Variants in PCDHGB4 observed in about 807,000 individuals in gnomAD.
PCDHGB4 encodes the protein protocadherin gamma-B4.
Under a neutral mutation model 60.5 loss-of-function variants are expected in PCDHGB4, and 38 were observed. The observed-to-expected ratio is 0.63, with a 90% confidence interval of 0.48 to 0.82. The LOEUF (loss-of-function observed/expected upper bound fraction) is 0.82. PCDHGB4 is among the 40% of genes least tolerant of loss of function. The probability of loss-of-function intolerance (pLI) is 0.00; values close to 1 mark genes in which losing one functional copy is unlikely to be tolerated. For synonymous variants in PCDHGB4, 456 were observed against 509.7 expected (o/e 0.89, Z 1.42); for missense variants, 1,109 against 1,209.6 (o/e 0.92, Z 1.23).
intron 1 of PCDHGB4, chr5:141,395,843 A>T (rs570175269): frequency 2.0e-5 from 3 of 152,044 alleles, no homozygotes; most frequent in Non-Finnish European, 4.4e-5. Flanking sequence ...TTGGTGGGAG[A>T]TGAGACTGGT....
At chr5:141,409,632 C>G (rs1279542488) in intron 1 of PCDHGB4, 1 of 1,613,848 alleles carries the variant, frequency 6.2e-7, no homozygotes, top group East Asian at 2.2e-5. Context: ...GTGAGCGCCT[C>G]TGACCCGGAT....
chr5:141,461,213 T>C (rs1457474925), intron 1 of PCDHGB4, among the ~76,000 whole-genome samples: 1 of 152,168 alleles, frequency 6.6e-6, no homozygotes, highest in African/African-American at 2.4e-5. Flanking sequence ...AGAATCTCCA[T>C]ACTGTTTTCC....
intron 1 of PCDHGB4, chr5:141,409,496 C>CT (rs1276498782): frequency 6.2e-7 from 1 of 1,614,044 alleles, no homozygotes; most frequent in South Asian, 1.1e-5. Context: ...CAAGCCGCCT[C>CT]TTTCTTCCAG....
rs2094308599 is a variant in PCDHGB4 at position 141,402,798 on chromosome 5, C to T, written c.2397+12517C>T. ...TTTCCAGTTCTGCGGCTACACAAAA[C>T]CCGGCAGATACCACAAACCTGCTCC... On this transcript the variant is annotated intron_variant, in intron 1 of 3. Transcript: ENST00000519479. 7.6e-6 allele frequency: 8 copies of T among 1,054,376 alleles called. No individual in the cohort carries two copies. The South Asian group carries it at 1.6e-4, about 20-fold the overall frequency. The allele number at this position is 1,054,376 out of a possible 1,614,324, so 65.3% of individuals were successfully genotyped here. A position where few individuals can be genotyped will look rare whatever the true frequency, so the allele number is the denominator to read the frequency against.
Position 141,389,367 on chromosome 5 carries a change from G to A in PCDHGB4, c.1483G>A (p.Glu495Lys), listed in dbSNP as rs1402654392. 4 of 1,613,806 alleles carry A rather than the reference G, an allele frequency of 2.5e-6. No homozygotes were observed. The highest frequency in any genetic ancestry group is 1.1e-5 in the South Asian group (1 of 91,086). Residue 495 changes from glutamate to lysine, a missense_variant, in exon 1 of 4, where the codon GAG (glutamate) becomes AAG (lysine). Glu to Lys is a moderately conservative substitution (Grantham distance 56). Around this residue, in one of 2 missense-constraint regions of PCDHGB4, gnomAD observed 1,068 missense variants for 1,089.9 expected, o/e 0.98. Transcript: ENST00000519479. The stretch of plus-strand genomic sequence containing the variant: ...TTACTGCATCATGGCCAGTGACCTG[G>A]AGCAGCGGGAGCTGTCATCCTACGT... ...VSYCIMASDL[E>K]QRELSSYVSI...
intron 1 of PCDHGB4, chr5:141,427,525 CG>C (rs996050026): frequency 4.9e-6 from 3 of 612,098 alleles, no homozygotes; most frequent in Non-Finnish European, 9.2e-6. Flanking sequence ...GAGCGGATCC[CG>C]GAGTACAACG....
chr5:141,478,657 G>A, intron 1 of PCDHGB4: 2 of 1,551,912 alleles, frequency 1.3e-6, no homozygotes, highest in Non-Finnish European at 1.7e-6. Flanking sequence ...TCCTGGTGAT[G>A]CATTCACACT....
At chr5:141,424,068 G>T in intron 1 of PCDHGB4, 1 of 993,858 alleles carries the variant, frequency 1.0e-6, no homozygotes. Flanking sequence ...TCACTGATTT[G>T]TAGTTATATT....
At chr5:141,445,294 T>G (rs1012635904) in intron 1 of PCDHGB4, among the ~76,000 whole-genome samples, 2 of 152,238 alleles carry the variant, frequency 1.3e-5, no homozygotes. Flanking sequence ...CAGGCTTCCA[T>G]TCTCTTCAGT....
intron 1 of PCDHGB4, chr5:141,410,760 A>G: frequency 8.5e-7 from 1 of 1,177,482 alleles, no homozygotes; most frequent in Non-Finnish European, 1.2e-6. Flanking sequence ...ATGTTTTTTC[A>G]ATTATAGTTT....
rs1456184444 is a variant in PCDHGB4, at chr5:141,512,578, C to T, written c.*1405C>T. On this transcript the variant is annotated 3_prime_UTR_variant, in exon 4 of 4. Coordinates refer to ENST00000519479, the MANE Select transcript of PCDHGB4 (RefSeq NM_003736.4). ...ATAGACCTTCTTCTCCCACCCCCTT[C>T]TGCCCCTGGGTCCCCGGCCATCCAG... is the stretch of plus-strand genomic sequence containing the variant. 1 of 152,944 alleles carries T rather than the reference C, an allele frequency of 6.5e-6. No homozygotes were observed. The highest frequency in any genetic ancestry group is 1.5e-5 in the Non-Finnish European group (1 of 68,542). 9.5% of individuals were successfully genotyped at this position (152,944 alleles called of 1,614,324 possible). A position where few individuals can be genotyped will look rare whatever the true frequency, so the allele number is the denominator to read the frequency against.
At position 141,477,197 on chromosome 5, in the gene PCDHGB4, G is replaced by A. The variant is rs781504885; in HGVS notation, c.2398-17610G>A. ...CACAGTCACCTCCGTGTACAGCCCA[G>A]TACCCGAGGATGCCCCTCTGGGGAC... On this transcript the variant is annotated intron_variant, in intron 1 of 3. Coordinates refer to ENST00000519479, the MANE Select transcript of PCDHGB4 (RefSeq NM_003736.4). The surrounding 1 kb of genome is among the most constrained non-coding windows in gnomAD (Gnocchi z 4.9). 1 of 1,614,210 alleles carries A rather than the reference G, an allele frequency of 6.2e-7. No homozygotes were observed. Among genetic ancestry groups the A allele is most frequent in the East Asian group, 2.2e-5 (1 of 44,874 alleles).
In PCDHGB4 at chr5:141,477,053, G is replaced by A; in HGVS notation, c.2398-17754G>A. On this transcript the variant is annotated intron_variant, in intron 1 of 3. Transcript: ENST00000519479. This position sits in a 1 kb window ranked among gnomAD's most constrained non-coding sequence, Gnocchi z 4.9. ...GACAATCAAGGGTCGGCTGGACTTC[G>A]AGGACACCAAACTCCATGAGATTTA... The A allele has an allele frequency of 1.9e-6, 3 of 1,614,230 alleles. No homozygotes were observed. The highest frequency in any genetic ancestry group is 2.5e-6 in the Non-Finnish European group (3 of 1,180,032).
At position 141,490,807 on chromosome 5, in the gene PCDHGB4, G is replaced by T. The variant is rs1315856354; in HGVS notation, c.2398-4000G>T. Reference sequence around the variant, plus strand: ...ACGGATCTTTGCCCAGCGTACCTTTGACTATGAATTGCTGCAGATGCTGCA... The same window carrying T: ...ACGGATCTTTGCCCAGCGTACCTTTTACTATGAATTGCTGCAGATGCTGCA... On this transcript the variant is annotated intron_variant, in intron 1 of 3. Transcript: ENST00000519479. This position sits in a 1 kb window ranked among gnomAD's most constrained non-coding sequence, Gnocchi z 5.4. 6.2e-7 allele frequency: 1 copy of T among 1,613,924 alleles called. No individual in the cohort carries two copies. The highest frequency in any genetic ancestry group is 8.5e-7 in the Non-Finnish European group (1 of 1,179,870).
At chr5:141,423,001 G>A in intron 1 of PCDHGB4, 2 of 1,614,230 alleles carry the variant, frequency 1.2e-6, no homozygotes, top group Non-Finnish European at 1.7e-6. Flanking sequence ...GGTGACCAAG[G>A]TGGTTGCGGT....
Position 141,490,483 on chromosome 5 carries a change from G to A in PCDHGB4, c.2398-4324G>A. On this transcript the variant is annotated intron_variant, in intron 1 of 3. Transcript: ENST00000519479. The surrounding 1 kb of genome is among the most constrained non-coding windows in gnomAD (Gnocchi z 5.4). ...GCTAACCAGCCAGCCTTTGGACCGG[G>A]AGGCCACATCCCACTATATCATCGA... 2.5e-6 allele frequency: 4 copies of A among 1,614,198 alleles called. No individual in the cohort carries two copies. Among genetic ancestry groups the A allele is most frequent in the Non-Finnish European group, 3.4e-6 (4 of 1,180,046 alleles).
At chr5:141,413,449 G>T in intron 1 of PCDHGB4, 2 of 1,614,120 alleles carry the variant, frequency 1.2e-6, no homozygotes, top group South Asian at 2.2e-5. Context: ...GATCACCGCG[G>T]GCAGGATAGA....
At chr5:141,496,048 G>A (rs1327057788) in intron 2 of PCDHGB4, among the ~76,000 whole-genome samples, 1 of 148,400 alleles carries the variant, frequency 6.7e-6, no homozygotes, top group Non-Finnish European at 1.5e-5. Context: ...TCATTTTTTT[G>A]TGCTTGTGGG....
intron 1 of PCDHGB4, chr5:141,390,929 T>C (rs1296144036): frequency 1.3e-5 from 2 of 152,314 alleles, no homozygotes; most frequent in African/African-American, 4.8e-5. Context: ...ACTATGCTCA[T>C]TAGAAGATCA....
Sources: gnomAD v4.1 joint callset for allele counts (sites outside exome capture counted in the v4.1 genomes callset) on GRCh38, gnomAD v4.1.1 for gene constraint, gnomAD v4.1.1 regional missense constraint, Gnocchi (gnomAD v3.1) non-coding constraint, MANE v1.5 for transcripts, NCBI Gene and HGNC (gene_info 2026-07-23, HGNC 2026-07-21) for gene names.